The following CSMD1 variants were observed in gnomAD, a reference collection of about 807,000 sequenced individuals.
CSMD1 encodes the protein CUB and sushi domain-containing protein 1.
In CSMD1, 213 loss-of-function variants were observed where a neutral mutation model predicts 417.5. That is an observed-to-expected ratio of 0.51 (90% confidence interval 0.46 to 0.57). The LOEUF is 0.57. Among genes scored for constraint, CSMD1 ranks in the 20% least tolerant of loss-of-function variants. The probability of loss-of-function intolerance (pLI) is 0.00; values close to 1 mark genes in which losing one functional copy is unlikely to be tolerated. For synonymous variants in CSMD1, 2,862 were observed against 1,736.8 expected, an observed-to-expected ratio of 1.65 and a Z score of -16.11; for missense variants, 6,923 against 4,529.7, an observed-to-expected ratio of 1.53 and a Z score of -15.17.
At chr8:3,870,696 T>C (rs1281871882) in intron 5 of CSMD1, among the ~76,000 whole-genome samples, 4 of 152,190 alleles carry the variant, frequency 2.6e-5, no homozygotes, top group Non-Finnish European at 5.9e-5. Context: ...AAGTATTATC[T>C]GATTTATATT....
At chr8:3,948,589 G>T (rs956997124) in intron 5 of CSMD1, among the ~76,000 whole-genome samples, 1 of 151,976 alleles carries the variant, frequency 6.6e-6, no homozygotes, top group Admixed American at 6.6e-5. Context: ...CATGATAAAC[G>T]ATGAACGTGT....
intron 5 of CSMD1, among the ~76,000 whole-genome samples, chr8:3,979,025 G>C (rs970050184): frequency 6.6e-6 from 1 of 152,196 alleles, no homozygotes; most frequent in Non-Finnish European, 1.5e-5. Context: ...CAAAGATGCT[G>C]CACAACACCT....
At chr8:3,530,906 G>A (rs966629381) in intron 10 of CSMD1, among the ~76,000 whole-genome samples, 1 of 151,110 alleles carries the variant, frequency 6.6e-6, no homozygotes, top group Non-Finnish European at 1.5e-5. Context: ...CATCCAGACT[G>A]GAATGCAGTG....
chr8:4,072,697 C>G (rs1232262059), intron 3 of CSMD1, among the ~76,000 whole-genome samples: 5 of 152,340 alleles, frequency 3.3e-5, no homozygotes, highest in African/African-American at 9.6e-5. Flanking sequence ...GATTTCAACT[C>G]TGTGAATTGG....
rs956713988 is a variant in CSMD1 at position 3,894,696 on chromosome 8, C to T, written c.818+103207G>A. Reference sequence around the variant, plus strand: ...ATTGAAAAGTTCATTGATCCTTTTTCCTGCCTCCAACTATATGAATTAGTT... The same window carrying T: ...ATTGAAAAGTTCATTGATCCTTTTTTCTGCCTCCAACTATATGAATTAGTT... On this transcript the variant is annotated intron_variant, in intron 5 of 69. Coordinates refer to ENST00000635120, the MANE Select transcript of CSMD1 (RefSeq NM_033225.6). Among the ~76,000 whole-genome samples, 75 of 152,194 alleles carry T rather than the reference C, an allele frequency of 4.9e-4. 1 individual carries two copies. The highest frequency in any genetic ancestry group is 4.6e-3 in the Admixed American group (71 of 15,278).
chr8:4,184,588 A>C (rs555715633), intron 3 of CSMD1, among the ~76,000 whole-genome samples: 1 of 152,302 alleles, frequency 6.6e-6, no homozygotes, highest in South Asian at 2.1e-4. Flanking sequence ...GTAGACCATT[A>C]TCTTTAGCAA....
rs866909433 is a variant in CSMD1, at chr8:3,772,398, C to T, written c.819-18356G>A. On this transcript the variant is annotated intron_variant, in intron 5 of 69. Transcript: ENST00000635120. ...ATATATTCATATATTTATATATACA[C>T]ATATATACATATATTTATATATACA... Among the ~76,000 whole-genome samples the T allele has an allele frequency of 1.2e-3, 116 of 100,416 alleles. 13 individuals carry two copies. Among genetic ancestry groups the T allele is most frequent in the Middle Eastern group, 5.1e-3 (1 of 196 alleles). The allele number at this position is 100,416 out of a possible 152,430, so 65.9% of individuals were successfully genotyped here.
intron 10 of CSMD1, among the ~76,000 whole-genome samples, chr8:3,524,929 G>C (rs547466239): frequency 6.6e-6 from 1 of 151,954 alleles, no homozygotes; most frequent in Admixed American, 6.5e-5. Flanking sequence ...ATCATGAAAT[G>C]TAAAAAAAAA....
chr8:3,915,338 G>A (rs73174420), intron 5 of CSMD1, among the ~76,000 whole-genome samples: 15,309 of 149,642 alleles, frequency 0.1, 827 homozygotes, highest in South Asian at 0.15. Context: ...CCCAGGAAGC[G>A]GAAGTTGCAG....
intron 5 of CSMD1, among the ~76,000 whole-genome samples, chr8:3,896,250 A>G (rs1048962157): frequency 2.6e-5 from 4 of 152,158 alleles, no homozygotes; most frequent in Non-Finnish European, 2.9e-5. Context: ...ATTTCTCAAA[A>G]CAGTCCTTCC....
chr8:4,190,253 CA>C (rs11397581), intron 3 of CSMD1, among the ~76,000 whole-genome samples: 9,375 of 67,008 alleles, frequency 0.14, 626 homozygotes, highest in African/African-American at 0.3. Context: ...ACTCCGTCTC[CA>C]AAAAAAAAAA....
chr8:4,239,684 G>C (rs968427450), intron 3 of CSMD1, among the ~76,000 whole-genome samples: 2 of 152,206 alleles, frequency 1.3e-5, no homozygotes, highest in African/African-American at 4.8e-5. Context: ...TTGGGTGGCA[G>C]AACATCGCAT....
chr8:4,096,643 A>T (rs1801026357), intron 3 of CSMD1, among the ~76,000 whole-genome samples: 1 of 152,254 alleles, frequency 6.6e-6, no homozygotes, highest in South Asian at 2.1e-4. Flanking sequence ...AAAAATCTTT[A>T]CTAAGATATT....
intron 49 of CSMD1, among the ~76,000 whole-genome samples, chr8:3,056,877 G>A (rs1347044551): frequency 6.6e-6 from 1 of 151,784 alleles, no homozygotes; most frequent in Non-Finnish European, 1.5e-5. Context: ...ACATATAAAT[G>A]CTAATCAAAA....
intron 33 of CSMD1, among the ~76,000 whole-genome samples, chr8:3,196,921 G>C (rs779688001): frequency 4.6e-5 from 7 of 152,166 alleles, no homozygotes; most frequent in African/African-American, 1.2e-4. Context: ...CATCCATGCT[G>C]AAGGGTTATC....
At chr8:4,149,342 T>G (rs779347803) in intron 3 of CSMD1, among the ~76,000 whole-genome samples, 2 of 152,206 alleles carry the variant, frequency 1.3e-5, no homozygotes, top group African/African-American at 2.4e-5. Context: ...TCACTCCAGT[T>G]TGCATTTCTA....
intron 23 of CSMD1, among the ~76,000 whole-genome samples, chr8:3,324,201 A>C (rs1806354663): frequency 7.6e-6 from 1 of 132,256 alleles, no homozygotes; most frequent in South Asian, 2.6e-4. Flanking sequence ...ATTGTTGTTA[A>C]AATAGACACA....
At chr8:3,865,821 C>T (rs554160977) in intron 5 of CSMD1, among the ~76,000 whole-genome samples, 1 of 152,050 alleles carries the variant, frequency 6.6e-6, no homozygotes, top group Non-Finnish European at 1.5e-5. Context: ...ACTGTAAATA[C>T]CCTTCTCACA....
intron 7 of CSMD1, among the ~76,000 whole-genome samples, chr8:3,671,412 T>C (rs1799026470): frequency 6.8e-6 from 1 of 146,746 alleles, no homozygotes; most frequent in South Asian, 2.1e-4. Flanking sequence ...CTTAAATACA[T>C]CCTAACAGTA....
Sources: gnomAD v4.1 joint callset for allele counts (sites outside exome capture counted in the v4.1 genomes callset) on GRCh38, gnomAD v4.1.1 for gene constraint, MANE v1.5 for transcripts, NCBI Gene and HGNC (gene_info 2026-07-23, HGNC 2026-07-21) for gene names.